Variants in MTERF3 observed in about 807,000 individuals in gnomAD.
MTERF3 encodes the protein mitochondrial transcription termination factor 3.
A neutral mutation model predicts 40.5 loss-of-function variants in MTERF3; 40 were observed. That is an observed-to-expected ratio of 0.99 (90% CI 0.77 to 1.29). The LOEUF (loss-of-function observed/expected upper bound fraction) is 1.29, where lower values mean the gene tolerates loss of function less well. Ranked by LOEUF, MTERF3 falls within the 50% of genes most tolerant of loss-of-function variation. The probability of loss-of-function intolerance (pLI) is 0.00; values close to 1 mark genes in which losing one functional copy is unlikely to be tolerated. For missense variants in MTERF3, 452 were observed against 478.2 expected, an observed-to-expected ratio of 0.95 and a Z score of 0.51; for synonymous variants, 158 against 166.6, an observed-to-expected ratio of 0.95 and a Z score of 0.40.
At chr8:96,254,323 A>G (rs1177720556) in intron 3 of MTERF3, among the ~76,000 whole-genome samples, 4 of 152,130 alleles carry the variant, frequency 2.6e-5, no homozygotes, top group Admixed American at 6.5e-5. Flanking sequence ...TCAAGTATAC[A>G]TTATTATTAA....
chr8:96,239,748 T>A, intron 7 of MTERF3, 63 bp from the exon 8 acceptor site: 1 of 1,331,898 alleles, frequency 7.5e-7, no homozygotes, highest in Non-Finnish European at 1.0e-6. Flanking sequence ...ATTAAAAAGT[T>A]TACTTGGCAA....
In MTERF3 at chr8:96,246,319, A is replaced by G; in HGVS notation, c.813T>C (p.Leu271=). The change falls in exon 5 of 8, where the codon CTT becomes CTC. Residue 271 remains leucine, a synonymous_variant. Coordinates refer to ENST00000287025, the MANE Select transcript of MTERF3 (RefSeq NM_015942.5). ...TCCTTTTCTTTACCTTCTTCACACT[A>G]AGTTCAAGTTCTTTCTGAAAAAATC... ...RLGFFQKELE[L]SVKKTRDLVV... is the part of the protein sequence containing the mutation. The G allele has an allele frequency of 6.3e-7, 1 of 1,599,512 alleles. No homozygotes were observed. The highest frequency in any genetic ancestry group is 8.5e-7 in the Non-Finnish European group (1 of 1,176,820).
rs1015333393 is a variant in MTERF3 at position 96,251,203 on chromosome 8, G to A, written c.488-108C>T. 1.3e-4 allele frequency: 102 copies of A among 775,644 alleles called. 4 individuals are homozygous for A. Among genetic ancestry groups the A allele is most frequent in the South Asian group, 1.1e-4 (5 of 43,942 alleles). 48.0% of individuals were successfully genotyped at this position (775,644 alleles called of 1,614,324 possible). A position where few individuals can be genotyped will look rare whatever the true frequency, so the allele number is the denominator to read the frequency against. ...GATGGAGATCAACACCTATCCAAAG[G>A]AGCACTGAGATAGATCAATAGAAAC... On this transcript the variant is annotated intron_variant, in intron 3 of 7. Transcript: ENST00000287025.
At chr8:96,250,396 G>C (rs1563548027) in intron 4 of MTERF3, among the ~76,000 whole-genome samples, 1 of 145,952 alleles carries the variant, frequency 6.9e-6, no homozygotes, top group East Asian at 2.0e-4. Flanking sequence ...TACTGACTCA[G>C]TAATAAGTTG....
At chr8:96,254,254 A>T (rs1371132759) in intron 3 of MTERF3, among the ~76,000 whole-genome samples, 2 of 152,176 alleles carry the variant, frequency 1.3e-5, no homozygotes, top group Non-Finnish European at 2.9e-5. Flanking sequence ...TCATTACCTT[A>T]CATATTCATG....
chr8:96,245,885 A>G lies in MTERF3; in HGVS notation c.872T>C (p.Leu291Pro). 1 of 1,614,068 alleles carries G rather than the reference A, an allele frequency of 6.2e-7. No individual in the cohort carries two copies. The highest frequency in any genetic ancestry group is 2.2e-5 in the East Asian group (1 of 44,858). ...CTTCATATTTTCTTTCACGGGTTCC[A>G]GACTTCCAGTTAGCAGCCTTGGGAG... ...VRLPRLLTGS[L>P]EPVKENMKVY... The change falls in exon 6 of 8, where the codon CTG becomes CCG. Residue 291 changes from leucine to proline, a missense_variant. Leu to Pro is a moderately conservative substitution (Grantham distance 98, BLOSUM62 -3). Transcript: ENST00000287025.
intron 6 of MTERF3, 43 bp from the exon 7 acceptor site, chr8:96,244,123 G>A: frequency 6.5e-7 from 1 of 1,529,940 alleles, no homozygotes; most frequent in Non-Finnish European, 9.0e-7. Flanking sequence ...TGTAGAAATA[G>A]TTATTTTGGT....
chr8:96,252,596 T>C (rs1177719032), intron 3 of MTERF3, among the ~76,000 whole-genome samples: 1 of 152,200 alleles, frequency 6.6e-6, no homozygotes, highest in East Asian at 1.9e-4. Context: ...ATCTGCACTT[T>C]TGACAACCGG....
intron 7 of MTERF3, among the ~76,000 whole-genome samples, chr8:96,243,264 C>G (rs886900365): frequency 1.4e-4 from 21 of 152,132 alleles, no homozygotes; most frequent in African/African-American, 4.6e-4. Flanking sequence ...TACTGAGTGG[C>G]TATTTGCATA....
intron 4 of MTERF3, 39 bp from the exon 5 acceptor site, chr8:96,246,493 TAC>T: frequency 1.3e-6 from 2 of 1,513,292 alleles, no homozygotes; most frequent in Non-Finnish European, 1.8e-6. Context: ...GATAAACACT[TAC>T]ATTCTTTTTT....
Position 96,261,249 on chromosome 8 carries a change from T to A in MTERF3, c.-11+252A>T, listed in dbSNP as rs72678833. Among the ~76,000 whole-genome samples the A allele has an allele frequency of 7.2e-3, 1,103 of 152,322 alleles. 4 individuals carry two copies. The highest frequency in any genetic ancestry group is 0.011 in the Non-Finnish European group (764 of 68,020). ...ACTTCCCAGGCCATTTTAGCCCACT[T>A]CAGTTCCCCAAACTTGCGCAGGAAG... On this transcript the variant is annotated intron_variant, in intron 1 of 7. Transcript: ENST00000287025.
intron 3 of MTERF3, among the ~76,000 whole-genome samples, chr8:96,256,079 A>G (rs2129940940): frequency 6.6e-6 from 1 of 152,348 alleles, no homozygotes; most frequent in East Asian, 1.9e-4. Context: ...TTATCTGGGA[A>G]AATCAAGTAT....
At chr8:96,259,843 G>T (rs1429195119) in intron 1 of MTERF3, among the ~76,000 whole-genome samples, 5 of 152,032 alleles carry the variant, frequency 3.3e-5, no homozygotes, top group Admixed American at 6.6e-5. Flanking sequence ...TGGGAAGTTT[G>T]CTGAAAGAGA....
At chr8:96,258,289 G>A in intron 2 of MTERF3, 68 bp downstream of exon 2, 5 of 1,484,812 alleles carry the variant, frequency 3.4e-6, no homozygotes, top group Non-Finnish European at 4.5e-6. Context: ...CTAGCAGAAG[G>A]TAAACAGGTA....
chr8:96,250,645 A>AAGC (rs1810143794), intron 4 of MTERF3, among the ~76,000 whole-genome samples: 11 of 32,924 alleles, frequency 3.3e-4, no homozygotes, highest in Non-Finnish European at 3.5e-4. Context: ...GAAGAAGAAG[A>AAGC]AGAAGAAGAA....
chr8:96,253,056 G>A (rs1810214906), intron 3 of MTERF3, among the ~76,000 whole-genome samples: 1 of 152,142 alleles, frequency 6.6e-6, no homozygotes, highest in Non-Finnish European at 1.5e-5. Context: ...CAGTCTAGTT[G>A]GGCTTTACCT....
intron 3 of MTERF3, among the ~76,000 whole-genome samples, chr8:96,252,705 G>C (rs781299586): frequency 3.9e-5 from 6 of 152,232 alleles, no homozygotes; most frequent in Non-Finnish European, 8.8e-5. Context: ...CCAAAAATCT[G>C]TGATAAATGG....
intron 7 of MTERF3, among the ~76,000 whole-genome samples, chr8:96,243,138 G>C (rs1474230194): frequency 1.3e-5 from 2 of 152,176 alleles, no homozygotes; most frequent in Admixed American, 6.5e-5. Flanking sequence ...TCTGAGAGTT[G>C]TATTAAGGTC....
chr8:96,239,443 CAT>C lies in MTERF3; in HGVS notation c.*46_*47del. Reference sequence around the variant, plus strand: ...GCATTTAAAAATATATTCATTTATTCATATATATATTCACTTTACAATACTGC... The same window carrying C: ...GCATTTAAAAATATATTCATTTATTCATATATATTCACTTTACAATACTGC... On this transcript the variant is annotated 3_prime_UTR_variant, in exon 8 of 8. Coordinates refer to ENST00000287025, the MANE Select transcript of MTERF3 (RefSeq NM_015942.5). 3.8e-6 allele frequency: 5 copies of C among 1,308,922 alleles called. No individual in the cohort carries two copies. The highest frequency in any genetic ancestry group is 4.2e-6 in the Non-Finnish European group (4 of 962,902). 81.1% of individuals were successfully genotyped at this position (1,308,922 alleles called of 1,614,324 possible).
Sources: allele counts gnomAD v4.1 joint callset (sites outside exome capture counted in the v4.1 genomes callset), GRCh38; gene constraint gnomAD v4.1.1; transcripts MANE v1.5; gene names NCBI Gene and HGNC (gene_info 2026-07-23, HGNC 2026-07-21).